UBE4B: variants seen among roughly 807,000 people sequenced by gnomAD.
UBE4B encodes ubiquitination factor E4B, also known as ubiquitin conjugation factor E4 B.
In UBE4B, 27 loss-of-function variants were observed where a neutral mutation model predicts 148.1. The ratio of observed to expected loss-of-function variants is 0.18; its 90% CI spans 0.13 to 0.25. UBE4B has a LOEUF of 0.25. UBE4B is among the 10% of genes least tolerant of loss of function. UBE4B has a pLI of 1.00. For missense variants in UBE4B, 1,170 were observed against 1,662.4 expected (o/e 0.70, Z 5.15); for synonymous variants, 596 against 619.3 (o/e 0.96, Z 0.56).
chr1:10,097,038 C>CA (rs1175237804), intron 3 of UBE4B, among the ~76,000 whole-genome samples: 162 of 141,100 alleles, frequency 1.1e-3, no homozygotes, highest in Middle Eastern at 3.6e-3. Context: ...GACTCTGCAT[C>CA]AAAAAAAAAA....
intron 3 of UBE4B, among the ~76,000 whole-genome samples, chr1:10,097,511 T>C (rs1350568937): frequency 2.0e-5 from 3 of 152,018 alleles, no homozygotes; most frequent in Non-Finnish European, 4.4e-5. Flanking sequence ...ATTTGAAAGA[T>C]ATTATTTTAA....
chr1:10,118,508 T>A (rs527494411), intron 8 of UBE4B, among the ~76,000 whole-genome samples: 3 of 151,862 alleles, frequency 2.0e-5, no homozygotes, highest in Admixed American at 1.3e-4. Context: ...CAGCTAATTT[T>A]TTTTTTTTCT....
intron 1 of UBE4B, among the ~76,000 whole-genome samples, chr1:10,057,241 G>C (rs1020303883): frequency 6.6e-6 from 1 of 151,904 alleles, no homozygotes; most frequent in Non-Finnish European, 1.5e-5. Flanking sequence ...ATGGGGTTAG[G>C]CGTGTTTAAC....
intron 25 of UBE4B, among the ~76,000 whole-genome samples, chr1:10,173,204 C>T (rs1056329298): frequency 6.6e-6 from 1 of 152,080 alleles, no homozygotes; most frequent in African/African-American, 2.4e-5. Context: ...GCTGGCCGAG[C>T]GCGGTGGCTC....
chr1:10,143,422 A>C (rs1035857721), intron 17 of UBE4B, among the ~76,000 whole-genome samples: 2 of 151,698 alleles, frequency 1.3e-5, no homozygotes, highest in Non-Finnish European at 2.9e-5. Flanking sequence ...CAACAACAAG[A>C]TCTCCTTCTC....
chr1:10,128,313 T>G (rs1645535627), intron 11 of UBE4B: 1 of 152,204 alleles, frequency 6.6e-6, no homozygotes, highest in Non-Finnish European at 1.5e-5. Flanking sequence ...GTGATTTCAT[T>G]TTGTGCCATT....
intron 2 of UBE4B, among the ~76,000 whole-genome samples, chr1:10,085,304 A>T (rs1299504857): frequency 6.6e-6 from 1 of 152,170 alleles, no homozygotes; most frequent in African/African-American, 2.4e-5. Flanking sequence ...GACAGGAAAT[A>T]TTGTGATCCT....
intron 20 of UBE4B, among the ~76,000 whole-genome samples, chr1:10,149,804 G>A (rs1645940462): frequency 6.6e-6 from 1 of 151,784 alleles, no homozygotes; most frequent in Non-Finnish European, 1.5e-5. Context: ...CAATCCCTTG[G>A]CACCATGATA....
At chr1:10,038,668 C>T (rs1339202484) in intron 1 of UBE4B, among the ~76,000 whole-genome samples, 1 of 152,176 alleles carries the variant, frequency 6.6e-6, no homozygotes, top group Admixed American at 6.5e-5. Flanking sequence ...GTAACACTGA[C>T]CCACTCTGTT....
intron 11 of UBE4B, among the ~76,000 whole-genome samples, chr1:10,127,541 T>C (rs1645521815): frequency 6.6e-6 from 1 of 152,224 alleles, no homozygotes; most frequent in African/African-American, 2.4e-5. Flanking sequence ...AGAAAAGTAT[T>C]TTGAAGTGTT....
intron 19 of UBE4B, among the ~76,000 whole-genome samples, chr1:10,148,632 A>AGGG (rs1645918926): frequency 6.5e-5 from 8 of 123,888 alleles, no homozygotes; most frequent in South Asian, 4.8e-4. Flanking sequence ...ACTCTGTCTC[A>AGGG]AAAAAAAAAA....
At chr1:10,142,639 C>T (rs1263068481) in intron 17 of UBE4B, among the ~76,000 whole-genome samples, 24 of 152,080 alleles carry the variant, frequency 1.6e-4, no homozygotes, top group Admixed American at 1.6e-3. Flanking sequence ...CCACTGCACT[C>T]CAGCCTGGGA....
chr1:10,098,807 G>A (rs147279900), intron 3 of UBE4B, among the ~76,000 whole-genome samples: 75 of 152,340 alleles, frequency 4.9e-4, no homozygotes, highest in African/African-American at 1.7e-3. Flanking sequence ...CTATTCAGTG[G>A]TGAGAAGTTA....
At chr1:10,046,639 C>T (rs1643917226) in intron 1 of UBE4B, among the ~76,000 whole-genome samples, 1 of 152,144 alleles carries the variant, frequency 6.6e-6, no homozygotes, top group Non-Finnish European at 1.5e-5. Flanking sequence ...CTCCCTTGTG[C>T]CTGGCCCTCT....
intron 1 of UBE4B, among the ~76,000 whole-genome samples, chr1:10,070,443 A>T (rs923665434): frequency 7.6e-4 from 60 of 79,244 alleles, no homozygotes; most frequent in African/African-American, 1.7e-3. Flanking sequence ...AGTTAAAATT[A>T]AAAAAAAAAA....
chr1:10,178,821 A>G lies in UBE4B; in HGVS notation c.3700+3A>G, dbSNP rs1209327569. On this transcript the variant is annotated splice_donor_region_variant and intron_variant, in intron 26 of 27. Transcript: ENST00000343090. ...CGACGCTCCTGATGAGTTCAGAGGC[A>G]AGTGGACTCGTCGTTTTCATGCTGA... 1.9e-6 allele frequency: 3 copies of G among 1,577,660 alleles called. No homozygotes were observed. The highest frequency in any genetic ancestry group is 2.6e-6 in the Non-Finnish European group (3 of 1,164,658).
intron 17 of UBE4B, among the ~76,000 whole-genome samples, chr1:10,142,354 A>T (rs1645796495): frequency 6.6e-6 from 1 of 152,192 alleles, no homozygotes; most frequent in Non-Finnish European, 1.5e-5. Context: ...TTAAAACAAC[A>T]CATATTACAG....
At chr1:10,177,478 A>G (rs778799273) in intron 25 of UBE4B, among the ~76,000 whole-genome samples, 4 of 152,150 alleles carry the variant, frequency 2.6e-5, no homozygotes, top group Non-Finnish European at 4.4e-5. Context: ...TGACAAAGCG[A>G]GACTCCGTCT....
At chr1:10,070,791 T>C (rs564391397) in intron 1 of UBE4B, among the ~76,000 whole-genome samples, 3 of 152,348 alleles carry the variant, frequency 2.0e-5, no homozygotes, top group Middle Eastern at 3.4e-3. Flanking sequence ...GCAGATTGTA[T>C]TTTTATTGAA....
Sources: gnomAD v4.1 joint callset for allele counts (sites outside exome capture counted in the v4.1 genomes callset) on GRCh38, gnomAD v4.1.1 for gene constraint, MANE v1.5 for transcripts, NCBI Gene and HGNC (gene_info 2026-07-23, HGNC 2026-07-21) for gene names.